FSTL4: variants seen among roughly 807,000 people sequenced by gnomAD.
The protein encoded by FSTL4 is follistatin like 4.
Under a neutral mutation model 78.2 loss-of-function variants are expected in FSTL4, and 28 were observed. The observed-to-expected ratio is 0.36, with a 90% CI of 0.27 to 0.49. FSTL4 has a LOEUF of 0.49. FSTL4 is among the 20% of genes least tolerant of loss of function. FSTL4 has a pLI of 0.98. For synonymous variants in FSTL4, 422 were observed against 440.5 expected, an observed-to-expected ratio of 0.96 and a Z score of 0.53; for missense variants, 922 against 1,084.9, an observed-to-expected ratio of 0.85 and a Z score of 2.11.
intron 4 of FSTL4, among the ~76,000 whole-genome samples, chr5:133,399,976 A>G (rs974939333): frequency 6.6e-6 from 1 of 152,236 alleles, no homozygotes; most frequent in African/African-American, 2.4e-5. Context: ...TCAACCCAGG[A>G]TGTGCATTCT....
At chr5:133,773,162 C>T in the FSTL4 span, among the ~76,000 whole-genome samples, 1 of 151,082 alleles carries the variant, frequency 6.6e-6, no homozygotes, top group African/African-American at 2.4e-5. Context: ...TACAATTTTA[C>T]CTTCATTATA....
At chr5:133,617,073 G>T (rs1228724395), upstream of FSTL4, among the ~76,000 whole-genome samples, 2 of 152,124 alleles carry the variant, frequency 1.3e-5, no homozygotes, top group African/African-American at 4.8e-5. Context: ...GGCCGAGGCA[G>T]GCGGATCATG....
intron 14 of FSTL4, among the ~76,000 whole-genome samples, chr5:133,203,562 G>C (rs1445695790): frequency 1.3e-5 from 2 of 152,174 alleles, no homozygotes; most frequent in Non-Finnish European, 2.9e-5. Context: ...GTTGCATTAG[G>C]TTATTTCTCT....
chr5:133,525,490 T>G (rs544804562), intron 3 of FSTL4, among the ~76,000 whole-genome samples: 31 of 152,348 alleles, frequency 2.0e-4, no homozygotes, highest in Non-Finnish European at 4.0e-4. Flanking sequence ...CATAGCTTTC[T>G]CATTTGATGG....
the FSTL4 span, among the ~76,000 whole-genome samples, chr5:133,649,348 G>C: frequency 6.6e-6 from 1 of 152,182 alleles, no homozygotes; most frequent in African/African-American, 2.4e-5. Context: ...CTTGTGTATA[G>C]AGTTTTCAGC....
At chr5:133,441,194 G>A (rs1431937884) in intron 3 of FSTL4, among the ~76,000 whole-genome samples, 4 of 152,136 alleles carry the variant, frequency 2.6e-5, no homozygotes, top group Non-Finnish European at 4.4e-5. Context: ...AGCCTGCCAG[G>A]AAGGCACCTG....
chr5:133,837,834 G>T, the FSTL4 span, among the ~76,000 whole-genome samples: 5 of 152,046 alleles, frequency 3.3e-5, no homozygotes, highest in Non-Finnish European at 5.9e-5. Context: ...TGGGGTAAAA[G>T]TAGCACCAAG....
intron 13 of FSTL4, among the ~76,000 whole-genome samples, chr5:133,216,957 G>C (rs1430730186): frequency 6.6e-6 from 1 of 152,100 alleles, no homozygotes; most frequent in African/African-American, 2.4e-5. Flanking sequence ...TTGGAACCTG[G>C]TTTTTCATAG....
chr5:133,333,726 C>G (rs1754400816), intron 4 of FSTL4, among the ~76,000 whole-genome samples: 1 of 152,236 alleles, frequency 6.6e-6, no homozygotes, highest in Admixed American at 6.5e-5. Flanking sequence ...GAGTCACACC[C>G]AGCGAGGGCA....
At chr5:133,401,371 A>C (rs1756220508) in intron 3 of FSTL4, among the ~76,000 whole-genome samples, 2 of 152,178 alleles carry the variant, frequency 1.3e-5, no homozygotes, top group Admixed American at 1.3e-4. Flanking sequence ...AGCACCTTGC[A>C]CAGAAGGACA....
chr5:133,678,031 T>C, the FSTL4 span, among the ~76,000 whole-genome samples: 4 of 152,224 alleles, frequency 2.6e-5, no homozygotes, highest in Non-Finnish European at 5.9e-5. Flanking sequence ...ACATATGCAT[T>C]ATACCTCACA....
chr5:133,232,089 A>G (rs1751510842), intron 8 of FSTL4, among the ~76,000 whole-genome samples: 3 of 152,158 alleles, frequency 2.0e-5, no homozygotes, highest in African/African-American at 7.2e-5. Context: ...AATTTAATGG[A>G]TTAATCATTT....
At chr5:133,818,668 C>G in the FSTL4 span, among the ~76,000 whole-genome samples, 1 of 151,906 alleles carries the variant, frequency 6.6e-6, no homozygotes, top group Non-Finnish European at 1.5e-5. Context: ...ATCTTCCAAA[C>G]CACAGAGGGC....
At chr5:133,546,735 A>T (rs1036049699) in intron 3 of FSTL4, among the ~76,000 whole-genome samples, 2 of 151,984 alleles carry the variant, frequency 1.3e-5, no homozygotes, top group Non-Finnish European at 1.5e-5. Context: ...AGCCCAGGGC[A>T]CCCTCCACAG....
intron 4 of FSTL4, among the ~76,000 whole-genome samples, chr5:133,340,453 G>T (rs545151644): frequency 1.2e-4 from 18 of 152,236 alleles, no homozygotes; most frequent in African/African-American, 4.3e-4. Context: ...TGTGTGTGGG[G>T]TGCTCATAAG....
intron 4 of FSTL4, among the ~76,000 whole-genome samples, chr5:133,384,206 A>AGT (rs1321185370): frequency 6.6e-6 from 1 of 152,176 alleles, no homozygotes; most frequent in East Asian, 1.9e-4. Context: ...ATGACCCTAG[A>AGT]GTGCAACACT....
chr5:133,664,309 TC>T, the FSTL4 span, among the ~76,000 whole-genome samples: 1 of 146,852 alleles, frequency 6.8e-6, no homozygotes, highest in East Asian at 2.0e-4. Context: ...GCCTGCTGAT[TC>T]TTTTTTTTTT....
At chr5:133,222,390 C>T (rs1751167196) in intron 11 of FSTL4, among the ~76,000 whole-genome samples, 1 of 152,164 alleles carries the variant, frequency 6.6e-6, no homozygotes, top group Admixed American at 6.6e-5. Flanking sequence ...CAGCACACAC[C>T]TGCCCTGACC....
intron 7 of FSTL4, among the ~76,000 whole-genome samples, chr5:133,241,134 A>T (rs73788011): frequency 0.056 from 8,453 of 152,284 alleles, 802 homozygotes; most frequent in African/African-American, 0.19. Context: ...GAGAACAGAG[A>T]TTCCACGTTT....
Sources: gnomAD v4.1 joint callset for allele counts (sites outside exome capture counted in the v4.1 genomes callset) on GRCh38, gnomAD v4.1.1 for gene constraint, MANE v1.5 for transcripts, NCBI Gene and HGNC (gene_info 2026-07-23, HGNC 2026-07-21) for gene names.